MCU: variants seen among roughly 807,000 people sequenced by gnomAD.
MCU encodes mitochondrial calcium uniporter.
In MCU, 12 loss-of-function variants were observed where a neutral mutation model predicts 45.2. The observed-to-expected ratio is 0.27, with a 90% CI of 0.17 to 0.43. The LOEUF (loss-of-function observed/expected upper bound fraction) is 0.43. Ranked by LOEUF, MCU falls within the 20% of genes least tolerant of loss-of-function variation. The pLI, the probability that MCU is intolerant of heterozygous loss-of-function variation, is 1.00. For missense variants in MCU, 324 were observed against 436.7 expected, an observed-to-expected ratio of 0.74 and a Z score of 2.30; for synonymous variants, 160 against 165.1, an observed-to-expected ratio of 0.97 and a Z score of 0.24.
chr10:72,860,318 TAAAAGGAAGAGGTAATTTTTA>T (rs1298501118), intron 3 of MCU, 84 bp from the exon 4 acceptor site: 6 of 931,800 alleles, frequency 6.4e-6, no homozygotes, highest in Admixed American at 4.6e-5. Flanking sequence ...ACTGAAATTT[TAAAAGGAAGAGGTAATTTTTA>T]AAAACGATTT....
intron 1 of MCU, chr10:72,692,784 G>A: frequency 7.2e-7 from 1 of 1,386,502 alleles, no homozygotes; most frequent in Non-Finnish European, 9.3e-7. Context: ...GCCCCGGAGA[G>A]CAGCCCAGGA....
chr10:72,694,613 A>G (rs1842664035), intron 1 of MCU, among the ~76,000 whole-genome samples: 1 of 152,228 alleles, frequency 6.6e-6, no homozygotes, highest in Non-Finnish European at 1.5e-5. Flanking sequence ...TGTTCTGGTA[A>G]AGGTCCCTGA....
At chr10:72,797,354 G>A (rs1197933027) in intron 1 of MCU, among the ~76,000 whole-genome samples, 1 of 151,144 alleles carries the variant, frequency 6.6e-6, no homozygotes, top group Non-Finnish European at 1.5e-5. Flanking sequence ...CTCCTGAGTA[G>A]CTGGGATTGC....
chr10:72,789,865 G>T (rs554521747), intron 1 of MCU, among the ~76,000 whole-genome samples: 6 of 152,126 alleles, frequency 3.9e-5, no homozygotes, highest in African/African-American at 1.4e-4. Flanking sequence ...TCTTTTAAAG[G>T]CATTTCAGAC....
Position 72,700,058 on chromosome 10 carries a change from ATTTTT to A in MCU, c.150+7771_150+7775del, listed in dbSNP as rs71021525. Among the ~76,000 whole-genome samples, 780 of 135,390 alleles carry A rather than the reference ATTTTT, an allele frequency of 5.8e-3. 6 individuals carry two copies. Among genetic ancestry groups the A allele is most frequent in the Middle Eastern group, 0.016 (4 of 246 alleles). The allele number at this position is 135,390 out of a possible 152,430, so 88.8% of individuals were successfully genotyped here. A position where few individuals can be genotyped will look rare whatever the true frequency, so the allele number is the denominator to read the frequency against. On this transcript the variant is annotated intron_variant, in intron 1 of 7. Transcript: ENST00000373053. ...GTTCTAAAAAGTGGATTGGGGTCAA[ATTTTT>A]TTTTTTTTTTTTTGAGATGGAGTTT...
At chr10:72,884,105 G>T (rs571645246) in intron 6 of MCU, among the ~76,000 whole-genome samples, 161 bp from the exon 7 acceptor site, 1 of 152,224 alleles carries the variant, frequency 6.6e-6, no homozygotes, top group South Asian at 2.1e-4. Context: ...GTACTGTTCT[G>T]TATGTTTCAC....
chr10:72,754,451 A>G (rs1324981497), intron 1 of MCU, among the ~76,000 whole-genome samples: 9 of 152,208 alleles, frequency 5.9e-5, no homozygotes, highest in Non-Finnish European at 1.2e-4. Flanking sequence ...GGTTGGTTGA[A>G]TTACAGATGA....
chr10:72,816,584 C>T (rs1844630755), intron 1 of MCU, among the ~76,000 whole-genome samples: 1 of 152,142 alleles, frequency 6.6e-6, no homozygotes, highest in Non-Finnish European at 1.5e-5. Flanking sequence ...TTGAGAACAG[C>T]ATTGACAACA....
chr10:72,883,140 A>G (rs111629708), intron 6 of MCU, among the ~76,000 whole-genome samples: 10 of 152,346 alleles, frequency 6.6e-5, no homozygotes, highest in African/African-American at 2.2e-4. Flanking sequence ...CACATATTGT[A>G]TGATTCCACT....
chr10:72,776,817 A>G (rs544617281), intron 1 of MCU, among the ~76,000 whole-genome samples: 1 of 152,322 alleles, frequency 6.6e-6, no homozygotes, highest in South Asian at 2.1e-4. Context: ...ACCTAGAGAA[A>G]CCTAAAGACT....
At chr10:72,849,090 C>T (rs895414555) in intron 2 of MCU, among the ~76,000 whole-genome samples, 1 of 151,746 alleles carries the variant, frequency 6.6e-6, no homozygotes, top group Non-Finnish European at 1.5e-5. Context: ...ACCAGCCTGG[C>T]CAACATAGTG....
chr10:72,696,549 C>G (rs191242194), intron 1 of MCU, among the ~76,000 whole-genome samples: 12 of 152,262 alleles, frequency 7.9e-5, no homozygotes, highest in Non-Finnish European at 1.6e-4. Context: ...TCTGTCCTCT[C>G]TGAATTCTGA....
intron 1 of MCU, among the ~76,000 whole-genome samples, chr10:72,695,287 T>G (rs943668398): frequency 1.3e-5 from 2 of 152,222 alleles, no homozygotes; most frequent in African/African-American, 4.8e-5. Context: ...TTGCTCTACT[T>G]TACACATCAC....
At position 72,778,210 on chromosome 10, in the gene MCU, G is replaced by A. The variant is rs191342609; in HGVS notation, c.151-56149G>A. ...AAAGAAAGATAATCAATATTTTTAA[G>A]GGTTATCTGCACTCCTATGTTTAAT... On this transcript the variant is annotated intron_variant, in intron 1 of 7. Transcript: ENST00000373053. Among the ~76,000 whole-genome samples, 218 of 152,214 alleles carry A rather than the reference G, an allele frequency of 1.4e-3. 2 individuals carry two copies. Among genetic ancestry groups the A allele is most frequent in the African/African-American group, 4.8e-3 (199 of 41,516 alleles).
At chr10:72,734,724 C>T (rs1358862438) in intron 1 of MCU, among the ~76,000 whole-genome samples, 2 of 152,032 alleles carry the variant, frequency 1.3e-5, no homozygotes, top group Non-Finnish European at 2.9e-5. Context: ...AGCAATCCTC[C>T]CACCTCTGCC....
intron 1 of MCU, chr10:72,731,167 C>T (rs539512269): frequency 3.3e-5 from 5 of 152,096 alleles, no homozygotes; most frequent in South Asian, 4.1e-4. Flanking sequence ...TTGAATTGTC[C>T]GCAAGTGATC....
At chr10:72,726,825 AGTC>A (rs1843108209) in intron 1 of MCU, among the ~76,000 whole-genome samples, 1 of 152,200 alleles carries the variant, frequency 6.6e-6, no homozygotes, top group Non-Finnish European at 1.5e-5. Flanking sequence ...TAAAATATAT[AGTC>A]TTCTTATAGT....
chr10:72,784,987 A>C (rs1167012855), intron 1 of MCU, among the ~76,000 whole-genome samples: 1 of 152,166 alleles, frequency 6.6e-6, no homozygotes, highest in Non-Finnish European at 1.5e-5. Flanking sequence ...AGAGCTGTTC[A>C]AGGAGAATCT....
chr10:72,860,081 A>AT (rs935004271), intron 3 of MCU: 30 of 202,440 alleles, frequency 1.5e-4, no homozygotes, highest in South Asian at 4.0e-4. Context: ...ATGTCAGAAA[A>AT]TTTTTTTTTG....
Sources: gnomAD v4.1 joint callset for allele counts (sites outside exome capture counted in the v4.1 genomes callset) on GRCh38, gnomAD v4.1.1 for gene constraint, MANE v1.5 for transcripts, NCBI Gene and HGNC (gene_info 2026-07-23, HGNC 2026-07-21) for gene names.